STAG1: variants seen among roughly 807,000 people sequenced by gnomAD.
The protein encoded by STAG1 is cohesin subunit SA-1.
STAG1 carries 26 observed loss-of-function variants against 170.9 expected under a neutral mutation model. The ratio of observed to expected loss-of-function variants is 0.15; its 90% confidence interval spans 0.11 to 0.21. The LOEUF is 0.21. STAG1 is among the 10% of genes least tolerant of loss of function. The pLI is 1.00. For synonymous variants in STAG1, 514 were observed against 497.7 expected, an observed-to-expected ratio of 1.03 and a Z score of -0.44; for missense variants, 964 against 1,509.5, an observed-to-expected ratio of 0.64 and a Z score of 5.99.
chr3:136,528,733 T>C (rs551005482), intron 6 of STAG1, among the ~76,000 whole-genome samples: 2 of 151,938 alleles, frequency 1.3e-5, no homozygotes, highest in Admixed American at 6.6e-5. Context: ...GTGGATTCCT[T>C]GAGCTCAGGA....
intron 1 of STAG1, among the ~76,000 whole-genome samples, chr3:136,640,527 C>T (rs1320863840): frequency 2.0e-5 from 3 of 150,978 alleles, no homozygotes; most frequent in Non-Finnish European, 4.4e-5. Context: ...CGCCACCATG[C>T]CCGGCTAATT....
At chr3:136,379,536 C>T (rs559813854) in intron 22 of STAG1, among the ~76,000 whole-genome samples, 1 of 152,170 alleles carries the variant, frequency 6.6e-6, no homozygotes, top group South Asian at 2.1e-4. Flanking sequence ...TGATGAAACC[C>T]CGTCTCTATT....
intron 26 of STAG1, among the ~76,000 whole-genome samples, chr3:136,359,983 G>C (rs1385983735): frequency 3.3e-5 from 5 of 152,142 alleles, no homozygotes; most frequent in Non-Finnish European, 5.9e-5. Context: ...TTATATAAAA[G>C]AAGACCATTT....
intron 1 of STAG1, among the ~76,000 whole-genome samples, chr3:136,632,986 T>C (rs1048051095): frequency 6.6e-6 from 1 of 151,626 alleles, no homozygotes; most frequent in Non-Finnish European, 1.5e-5. Flanking sequence ...CACAGGACAA[T>C]AAAGACAGTC....
chr3:136,738,005 T>C (rs1357642622), intron 1 of STAG1, among the ~76,000 whole-genome samples: 2 of 151,466 alleles, frequency 1.3e-5, no homozygotes, highest in Non-Finnish European at 2.9e-5. Context: ...GAGGTGGAGG[T>C]TGCAGTGAGC....
At chr3:136,433,778 A>C (rs1284277997) in intron 15 of STAG1, 119 bp from the exon 16 acceptor site, 5 of 711,536 alleles carry the variant, frequency 7.0e-6, no homozygotes, top group Non-Finnish European at 2.3e-6. Flanking sequence ...TTAAAGACTA[A>C]AGTTAAGCTC....
At chr3:136,709,809 T>C (rs1264595161) in intron 1 of STAG1, among the ~76,000 whole-genome samples, 2 of 150,542 alleles carry the variant, frequency 1.3e-5, no homozygotes, top group African/African-American at 2.5e-5. Flanking sequence ...CCAAAGTGTG[T>C]GGATCACCTG....
At chr3:136,731,042 T>C (rs1484498997) in intron 1 of STAG1, among the ~76,000 whole-genome samples, 1 of 152,194 alleles carries the variant, frequency 6.6e-6, no homozygotes, top group Non-Finnish European at 1.5e-5. Context: ...TAAGAACCAC[T>C]GGGCTATATA....
chr3:136,557,031 A>G (rs1390264230), intron 5 of STAG1, among the ~76,000 whole-genome samples: 4 of 152,088 alleles, frequency 2.6e-5, no homozygotes, highest in Admixed American at 6.5e-5. Context: ...CCAGGGGTTC[A>G]AGACCAGCTT....
intron 6 of STAG1, among the ~76,000 whole-genome samples, 156 bp from the exon 7 acceptor site, chr3:136,521,573 T>C (rs542001752): frequency 1.3e-5 from 2 of 152,286 alleles, no homozygotes; most frequent in South Asian, 4.1e-4. Context: ...TTTATTTCTC[T>C]TTGATTTTGA....
intron 7 of STAG1, among the ~76,000 whole-genome samples, chr3:136,507,323 CAG>C (rs928856084): frequency 1.3e-4 from 20 of 152,290 alleles, no homozygotes; most frequent in East Asian, 7.7e-4. Context: ...AGGTCAGAGA[CAG>C]GGGTGAAAGA....
At chr3:136,466,239 A>G (rs1321373872) in intron 12 of STAG1, among the ~76,000 whole-genome samples, 1 of 152,178 alleles carries the variant, frequency 6.6e-6, no homozygotes, top group African/African-American at 2.4e-5. Context: ...CATCGCAAAG[A>G]AGCTAAAAAC....
chr3:136,550,134 T>TAATGCTGCCCACA (rs1936323882), intron 5 of STAG1, among the ~76,000 whole-genome samples: 1 of 152,076 alleles, frequency 6.6e-6, no homozygotes. Context: ...GGTATAAGAG[T>TAATGCTGCCCACA]AATGCTGCCC....
intron 6 of STAG1, among the ~76,000 whole-genome samples, chr3:136,525,561 A>T (rs1934968354): frequency 6.6e-6 from 1 of 151,856 alleles, no homozygotes; most frequent in Admixed American, 6.6e-5. Flanking sequence ...TAGATTCATT[A>T]ATTTTTTGAA....
intron 1 of STAG1, among the ~76,000 whole-genome samples, chr3:136,656,168 A>T (rs951726353): frequency 1.3e-5 from 2 of 152,150 alleles, no homozygotes; most frequent in Non-Finnish European, 2.9e-5. Context: ...AAAAAATAAA[A>T]AAAAAAAACA....
In STAG1 at chr3:136,401,330, A is replaced by G. The variant is rs116322799; in HGVS notation, c.2197-2501T>C. ...TCTTTTACGTTGTAATCCTTAATCA[A>G]TTTTACTTTCCTTAATTCTGATATT... On this transcript the variant is annotated intron_variant, in intron 21 of 33. Transcript: ENST00000383202. Among the ~76,000 whole-genome samples, 268 of 152,252 alleles carry G rather than the reference A, an allele frequency of 1.8e-3. 1 individual carries two copies. Among genetic ancestry groups the G allele is most frequent in the African/African-American group, 6.1e-3 (252 of 41,544 alleles).
At chr3:136,348,954 C>A in intron 29 of STAG1, 1 of 578,862 alleles carries the variant, frequency 1.7e-6, no homozygotes, top group Non-Finnish European at 3.0e-6. Context: ...CCTTTGTGCT[C>A]CATGCTTCCT....
chr3:136,751,172 G>GTT (rs776717703), intron 1 of STAG1, among the ~76,000 whole-genome samples: 2,408 of 136,086 alleles, frequency 0.018, 41 homozygotes, highest in Middle Eastern at 0.031. Flanking sequence ...GACAAATTGC[G>GTT]TTTTTTTTTT....
At chr3:136,584,348 T>G (rs1476059293) in intron 4 of STAG1, among the ~76,000 whole-genome samples, 2 of 152,208 alleles carry the variant, frequency 1.3e-5, no homozygotes, top group Non-Finnish European at 2.9e-5. Context: ...CCCAGTAACC[T>G]TGGAATATTA....
Sources: gnomAD v4.1 joint callset for allele counts (sites outside exome capture counted in the v4.1 genomes callset) on GRCh38, gnomAD v4.1.1 for gene constraint, MANE v1.5 for transcripts, NCBI Gene and HGNC (gene_info 2026-07-23, HGNC 2026-07-21) for gene names.